MAGI2: variants seen among roughly 807,000 people sequenced by gnomAD.
MAGI2 encodes the protein membrane associated guanylate kinase, WW and PDZ domain containing 2, also known as membrane-associated guanylate kinase, WW and PDZ domain-containing protein 2.
A neutral mutation model predicts 133.3 loss-of-function variants in MAGI2; 35 were observed. The ratio of observed to expected loss-of-function variants is 0.26; its 90% CI spans 0.20 to 0.35. The LOEUF is 0.35. Ranked by LOEUF, MAGI2 falls within the 10% of genes least tolerant of loss-of-function variation. The pLI is 1.00. For synonymous variants in MAGI2, 729 were observed against 710.6 expected (o/e 1.03, Z -0.41); for missense variants, 1,636 against 1,863.4 (o/e 0.88, Z 2.25).
chr7:78,637,483 T>C (rs920672285), intron 2 of MAGI2, among the ~76,000 whole-genome samples: 4 of 151,144 alleles, frequency 2.6e-5, no homozygotes, highest in African/African-American at 9.7e-5. Flanking sequence ...AGAAAAACTA[T>C]GGTGGATGTC....
intron 1 of MAGI2, among the ~76,000 whole-genome samples, chr7:79,286,717 C>T (rs1158974805): frequency 1.3e-5 from 2 of 152,084 alleles, no homozygotes; most frequent in African/African-American, 2.4e-5. Context: ...CAGACTCTGT[C>T]CCTAGGAAAT....
At chr7:79,191,055 T>A (rs539479384) in intron 1 of MAGI2, among the ~76,000 whole-genome samples, 1 of 151,892 alleles carries the variant, frequency 6.6e-6, no homozygotes, top group Non-Finnish European at 1.5e-5. Flanking sequence ...AGCATTGCAC[T>A]ACTCTGTTTT....
intron 9 of MAGI2, among the ~76,000 whole-genome samples, chr7:78,324,165 CACTACACACTACACT>C: frequency 1.8e-5 from 2 of 108,432 alleles, no homozygotes; most frequent in African/African-American, 7.6e-5. Context: ...CACTACACTA[CACTACACACTACACT>C]ACACTACACT....
At chr7:78,254,976 G>A (rs535871329) in intron 10 of MAGI2, 4 of 152,384 alleles carry the variant, frequency 2.6e-5, no homozygotes, top group South Asian at 4.1e-4. Flanking sequence ...TGACATGGCT[G>A]AGGCTCATTG....
chr7:78,892,813 G>A (rs200036860), intron 2 of MAGI2, among the ~76,000 whole-genome samples: 5,051 of 152,086 alleles, frequency 0.033, 247 homozygotes, highest in East Asian at 0.22. Flanking sequence ...CAGGACATAG[G>A]CATGGGCAAG....
intron 8 of MAGI2, among the ~76,000 whole-genome samples, chr7:78,344,721 A>G (rs908041816): frequency 5.9e-5 from 9 of 152,208 alleles, no homozygotes; most frequent in African/African-American, 2.2e-4. Context: ...AAGGTAACAC[A>G]TTTTGTCACA....
chr7:78,344,075 T>A (rs943044087), intron 8 of MAGI2, 115 bp from the exon 9 acceptor site: 3 of 833,646 alleles, frequency 3.6e-6, no homozygotes, highest in Non-Finnish European at 5.6e-6. Flanking sequence ...TGGGGGGTCT[T>A]ATACAGCAAA....
At chr7:78,878,842 A>G (rs1212073823) in intron 2 of MAGI2, among the ~76,000 whole-genome samples, 1 of 152,122 alleles carries the variant, frequency 6.6e-6, no homozygotes, top group Non-Finnish European at 1.5e-5. Context: ...AAAAGCTGGA[A>G]TCACCTATAG....
At chr7:79,053,925 G>A (rs71555021) in intron 1 of MAGI2, among the ~76,000 whole-genome samples, 2,460 of 152,236 alleles carry the variant, frequency 0.016, 31 homozygotes, top group Middle Eastern at 0.071. Context: ...GGCTGGGAGC[G>A]GTGACTCACA....
At chr7:78,593,284 C>T (rs981059192) in intron 3 of MAGI2, among the ~76,000 whole-genome samples, 22 of 151,772 alleles carry the variant, frequency 1.4e-4, no homozygotes, top group Middle Eastern at 3.2e-3. Context: ...CCCAGCTACT[C>T]GGGAGGCTGA....
chr7:79,277,380 T>C (rs1835312576), intron 1 of MAGI2, among the ~76,000 whole-genome samples: 1 of 152,190 alleles, frequency 6.6e-6, no homozygotes, highest in Non-Finnish European at 1.5e-5. Flanking sequence ...TAGACTATAG[T>C]ACAATGTAAA....
chr7:78,161,468 C>G (rs1384618975), intron 15 of MAGI2, among the ~76,000 whole-genome samples: 1 of 151,678 alleles, frequency 6.6e-6, no homozygotes. Flanking sequence ...AAATAATCAC[C>G]ATTAATTATT....
In MAGI2 at chr7:78,977,364, T is replaced by G. The variant is rs994013596; in HGVS notation, c.418+29726A>C. Among the ~76,000 whole-genome samples, 9 of 147,528 alleles carry G rather than the reference T, an allele frequency of 6.1e-5. No individual in the cohort carries two copies. The Admixed American group carries it at 6.1e-4, about 10-fold the overall frequency. On this transcript the variant is annotated intron_variant, in intron 2 of 21. Coordinates refer to ENST00000354212, the MANE Select transcript of MAGI2 (RefSeq NM_012301.4). Reference sequence around the variant, plus strand: ...TTTCCAACAAATGGTACAGGAACAATCAGACAGCCACATGCAGAATGAAAG... The same window carrying G: ...TTTCCAACAAATGGTACAGGAACAAGCAGACAGCCACATGCAGAATGAAAG...
At chr7:78,472,034 C>T (rs1430080473) in intron 6 of MAGI2, among the ~76,000 whole-genome samples, 2 of 152,098 alleles carry the variant, frequency 1.3e-5, no homozygotes, top group Non-Finnish European at 2.9e-5. Flanking sequence ...AGCAGTGTGG[C>T]TCCAGAGCCT....
At chr7:79,200,702 A>G (rs1006061759) in intron 1 of MAGI2, among the ~76,000 whole-genome samples, 1 of 151,902 alleles carries the variant, frequency 6.6e-6, no homozygotes, top group Non-Finnish European at 1.5e-5. Flanking sequence ...TCCATTGAGA[A>G]TATGGTGATA....
chr7:78,231,628 A>G (rs888145477), intron 10 of MAGI2, among the ~76,000 whole-genome samples: 1 of 152,210 alleles, frequency 6.6e-6, no homozygotes, highest in Admixed American at 6.5e-5. Context: ...TGTTACTGGC[A>G]CCATCTTCAA....
rs566719021 is a variant in MAGI2, at chr7:79,205,794, G to T, written c.302-198588C>A. ...GTGTGTGTGTAATTAAAGTTAAGTT[G>T]TAATCATCTTAAAATAACCTGTTAT... On this transcript the variant is annotated intron_variant, in intron 1 of 21. Transcript: ENST00000354212. 6.6e-5 allele frequency among the ~76,000 whole-genome samples: 10 copies of T among 151,212 alleles called. No homozygotes were observed. In the South Asian group the frequency reaches 2.1e-3, roughly 31 times the overall value.
intron 1 of MAGI2, among the ~76,000 whole-genome samples, chr7:79,184,780 C>A (rs1402610851): frequency 6.6e-6 from 1 of 151,712 alleles, no homozygotes; most frequent in East Asian, 1.9e-4. Context: ...TTGTAATATT[C>A]TCATTGCTGT....
chr7:78,140,803 T>G (rs1295920917), intron 16 of MAGI2, among the ~76,000 whole-genome samples: 2 of 152,228 alleles, frequency 1.3e-5, no homozygotes, highest in African/African-American at 4.8e-5. Context: ...GGCACTATGC[T>G]AGGCCCAGAG....
Sources: allele counts gnomAD v4.1 joint callset (sites outside exome capture counted in the v4.1 genomes callset), GRCh38; gene constraint gnomAD v4.1.1; transcripts MANE v1.5; gene names NCBI Gene and HGNC (gene_info 2026-07-23, HGNC 2026-07-21).